Variants in KLF12 observed in about 807,000 individuals in gnomAD.
KLF12 encodes KLF transcription factor 12.
In KLF12, 9 loss-of-function variants were observed where a neutral mutation model predicts 37.8. The observed-to-expected ratio is 0.24, with a 90% CI of 0.14 to 0.42. The LOEUF (loss-of-function observed/expected upper bound fraction) is 0.42. Among genes scored for constraint, KLF12 ranks in the 10% least tolerant of loss-of-function variants. The pLI, the probability that KLF12 is intolerant of heterozygous loss-of-function variation, is 1.00. For missense variants in KLF12, 411 were observed against 516.0 expected (o/e 0.80, Z 1.97); for synonymous variants, 208 against 202.1 (o/e 1.03, Z -0.25).
chr13:74,152,466 T>TTTG, the KLF12 span, among the ~76,000 whole-genome samples: 31 of 152,290 alleles, frequency 2.0e-4, no homozygotes, highest in African/African-American at 7.2e-4. Context: ...GAACCAATTT[T>TTTG]TTGTTGTTGT....
the KLF12 span, among the ~76,000 whole-genome samples, chr13:74,218,344 T>G: frequency 6.6e-6 from 1 of 152,158 alleles, no homozygotes; most frequent in African/African-American, 2.4e-5. Context: ...AAATGAGAGT[T>G]TCTTGATTAG....
chr13:74,045,991 G>T (rs990684633), intron 1 of KLF12, among the ~76,000 whole-genome samples: 1 of 152,140 alleles, frequency 6.6e-6, no homozygotes, highest in African/African-American at 2.4e-5. Flanking sequence ...GAAGTGTTTT[G>T]TTCCTTATTT....
intron 1 of KLF12, among the ~76,000 whole-genome samples, chr13:74,050,610 TAAC>T (rs1872857781): frequency 6.6e-6 from 1 of 152,150 alleles, no homozygotes; most frequent in Admixed American, 6.5e-5. Flanking sequence ...GAAGCAGGGA[TAAC>T]AACATCAGAA....
chr13:73,764,821 A>G (rs1879801735), intron 6 of KLF12, 117 bp downstream of exon 6: 1 of 595,458 alleles, frequency 1.7e-6, no homozygotes. Context: ...CGCATAGTCC[A>G]GTTAGCAGGT....
chr13:74,168,749 G>T, the KLF12 span, among the ~76,000 whole-genome samples: 1 of 152,204 alleles, frequency 6.6e-6, no homozygotes, highest in Non-Finnish European at 1.5e-5. Context: ...CTTTTGTTCA[G>T]ATAAATCACC....
intron 1 of KLF12, among the ~76,000 whole-genome samples, chr13:74,028,836 T>TC (rs1236351743): frequency 9.5e-4 from 4 of 4,206 alleles, no homozygotes; most frequent in African/African-American, 1.1e-3. Flanking sequence ...GAAAGAATTT[T>TC]CAATTTTTTT....
chr13:74,276,173 C>A, the KLF12 span, among the ~76,000 whole-genome samples: 1 of 151,876 alleles, frequency 6.6e-6, no homozygotes, highest in Non-Finnish European at 1.5e-5. Context: ...GTTCCCCTCC[C>A]TGTGTCCATG....
intron 1 of KLF12, among the ~76,000 whole-genome samples, chr13:74,036,381 C>CA (rs774129749): frequency 1.1e-4 from 17 of 151,834 alleles, no homozygotes; most frequent in Admixed American, 9.2e-4. Context: ...GGCTATGTAC[C>CA]AAAAAAATGA....
At position 73,693,150 on chromosome 13, in the gene KLF12, C is replaced by A. The variant is rs1375605772; in HGVS notation, c.*2340G>T. On this transcript the variant is annotated 3_prime_UTR_variant, in exon 8 of 8. Coordinates refer to ENST00000377669, the MANE Select transcript of KLF12 (RefSeq NM_007249.5). ...ACTTGAGAGATGCACCCACTACTTG[C>A]CAACTAGGTGCTGGTACTAGTGCCA... 1 of 152,170 alleles carries A rather than the reference C, an allele frequency of 6.6e-6. No individual in the cohort carries two copies. The highest frequency in any genetic ancestry group is 1.5e-5 in the Non-Finnish European group (1 of 68,048). The allele number at this position is 152,170 out of a possible 1,614,324, so 9.4% of individuals were successfully genotyped here.
chr13:73,940,338 G>A (rs139997463), intron 3 of KLF12, among the ~76,000 whole-genome samples: 11 of 152,170 alleles, frequency 7.2e-5, no homozygotes, highest in South Asian at 2.1e-4. Flanking sequence ...CTGTGTTACC[G>A]ACAAGCAAGA....
chr13:73,872,452 A>G (rs1486967093), intron 3 of KLF12, among the ~76,000 whole-genome samples: 2 of 152,240 alleles, frequency 1.3e-5, no homozygotes, highest in African/African-American at 4.8e-5. Flanking sequence ...TCAGTGCCGT[A>G]TCTGAGGGCA....
intron 1 of KLF12, among the ~76,000 whole-genome samples, chr13:74,067,110 T>C (rs896402575): frequency 1.3e-4 from 20 of 152,144 alleles, no homozygotes; most frequent in Admixed American, 1.3e-3. Context: ...GCAGGTCAAG[T>C]ACAAACTAAT....
chr13:73,827,853 G>A lies in KLF12; in HGVS notation c.671-14566C>T, dbSNP rs187271336. Among the ~76,000 whole-genome samples the A allele has an allele frequency of 2.0e-3, 282 of 141,442 alleles. 2 individuals are homozygous for A. Among genetic ancestry groups the A allele is most frequent in the African/African-American group, 6.4e-3 (253 of 39,466 alleles). 92.8% of individuals were successfully genotyped at this position (141,442 alleles called of 152,430 possible). ...GCTGGGATTACAAGTGTGAGCCACT[G>A]TGTCCGGGCCCATCCAGAATTTTGG... is the stretch of plus-strand genomic sequence containing the variant. On this transcript the variant is annotated intron_variant, in intron 4 of 7. Transcript: ENST00000377669.
At chr13:73,812,919 G>C (rs758316937) in intron 5 of KLF12, 1 of 442,408 alleles carries the variant, frequency 2.3e-6, no homozygotes, top group East Asian at 3.3e-5. Flanking sequence ...GGAGGTATTA[G>C]AAAAGATGCA....
intron 5 of KLF12, among the ~76,000 whole-genome samples, chr13:73,798,251 C>G (rs1169205877): frequency 2.0e-5 from 3 of 152,110 alleles, no homozygotes; most frequent in Non-Finnish European, 4.4e-5. Context: ...CTTCCTTACA[C>G]CATATACAAA....
the KLF12 span, among the ~76,000 whole-genome samples, chr13:74,188,699 T>G: frequency 2.0e-5 from 3 of 152,046 alleles, no homozygotes; most frequent in Non-Finnish European, 4.4e-5. Flanking sequence ...GTATTCAGCT[T>G]AAAAACAAAG....
chr13:74,059,140 T>G (rs1873429174), intron 1 of KLF12, among the ~76,000 whole-genome samples: 1 of 152,250 alleles, frequency 6.6e-6, no homozygotes, highest in African/African-American at 2.4e-5. Flanking sequence ...TATGGCTGCA[T>G]AGTATTTCAG....
the KLF12 span, among the ~76,000 whole-genome samples, chr13:74,147,106 G>T: frequency 6.6e-6 from 1 of 152,168 alleles, no homozygotes; most frequent in Non-Finnish European, 1.5e-5. Context: ...CCTCACTGTG[G>T]TTCATGGCTA....
At position 73,690,557 on chromosome 13, in the gene KLF12, G is replaced by A. The variant is rs1204478287; in HGVS notation, c.*4933C>T. On this transcript the variant is annotated 3_prime_UTR_variant, in exon 8 of 8. Coordinates refer to ENST00000377669, the MANE Select transcript of KLF12 (RefSeq NM_007249.5). The stretch of plus-strand genomic sequence containing the variant: ...GAATCAGTTGTCTGCAACTTAAAAT[G>A]ACTTCATTATATTTTAAACCATCCT... The A allele has an allele frequency of 6.6e-6, 1 of 152,126 alleles. No individual in the cohort carries two copies. The allele number at this position is 152,126 out of a possible 1,614,324, so 9.4% of individuals were successfully genotyped here. A position where few individuals can be genotyped will look rare whatever the true frequency, so the allele number is the denominator to read the frequency against.
Sources: allele counts gnomAD v4.1 joint callset (sites outside exome capture counted in the v4.1 genomes callset), GRCh38; gene constraint gnomAD v4.1.1; transcripts MANE v1.5; gene names NCBI Gene and HGNC (gene_info 2026-07-23, HGNC 2026-07-21).